ZCCHC8: variants seen among roughly 807,000 people sequenced by gnomAD.
ZCCHC8 encodes the protein zinc finger CCHC-type containing 8, also known as zinc finger CCHC domain-containing protein 8.
Under a neutral mutation model 70.6 loss-of-function variants are expected in ZCCHC8, and 27 were observed. The observed-to-expected ratio is 0.38, with a 90% CI of 0.28 to 0.53. The LOEUF is 0.53. Ranked by LOEUF, ZCCHC8 falls within the 20% of genes least tolerant of loss-of-function variation. The probability of loss-of-function intolerance (pLI) is 0.81; values close to 1 mark genes in which losing one functional copy is unlikely to be tolerated. For synonymous variants in ZCCHC8, 293 were observed against 317.4 expected (o/e 0.92, Z 0.82); for missense variants, 737 against 876.9 (o/e 0.84, Z 2.01).
At chr12:122,498,583 C>T (rs1699321360) in intron 2 of ZCCHC8, among the ~76,000 whole-genome samples, 1 of 152,138 alleles carries the variant, frequency 6.6e-6, no homozygotes, top group Non-Finnish European at 1.5e-5. Flanking sequence ...ATTAAGTAAA[C>T]ATTTTCTGGA....
intron 8 of ZCCHC8, 57 bp downstream of exon 8, chr12:122,482,578 T>C (rs915713457): frequency 1.4e-6 from 2 of 1,386,838 alleles, no homozygotes; most frequent in African/African-American, 1.4e-5. Context: ...CATAAATGTG[T>C]TGAAAACATT....
chr12:122,475,308 G>C (rs1957397902), intron 13 of ZCCHC8, among the ~76,000 whole-genome samples: 1 of 152,146 alleles, frequency 6.6e-6, no homozygotes, highest in Non-Finnish European at 1.5e-5. Context: ...GCCTCCCAAA[G>C]TGCTGAGATT....
At chr12:122,477,586 C>A (rs1353531677) in intron 13 of ZCCHC8, among the ~76,000 whole-genome samples, 2 of 148,078 alleles carry the variant, frequency 1.4e-5, no homozygotes, top group East Asian at 4.1e-4. Flanking sequence ...AGTTCGAGAC[C>A]AGCCTGGTCA....
In ZCCHC8 at chr12:122,473,961, C is replaced by G; in HGVS notation, c.1660G>C (p.Val554Leu). 6.2e-7 allele frequency: 1 copy of G among 1,606,144 alleles called. No individual in the cohort carries two copies. Among genetic ancestry groups the G allele is most frequent in the South Asian group, 1.1e-5 (1 of 89,906 alleles). ...PVDTPLTGNS[V>L]ASSPCPNELD... ...TCATTTGGACAAGGTGATGAGGCAA[C>G]GGAATTGCCAGTTAAAGGTGTGTCC... The change falls in exon 14 of 14, where the codon GTT (valine) becomes CTT (leucine). Residue 554 changes from valine to leucine, a missense_variant. By Grantham distance (32) the Val-to-Leu change is conservative. Coordinates refer to ENST00000633063, the MANE Select transcript of ZCCHC8 (RefSeq NM_017612.5).
chr12:122,474,731 GCTC>G (rs1250566343), intron 13 of ZCCHC8, among the ~76,000 whole-genome samples: 14 of 144,594 alleles, frequency 9.7e-5, no homozygotes, highest in Non-Finnish European at 1.8e-4. Context: ...TTATTTCCTA[GCTC>G]TTTTTTTTTT....
chr12:122,491,073 A>T (rs1957733987), intron 3 of ZCCHC8: 1 of 152,560 alleles, frequency 6.6e-6, no homozygotes, highest in Non-Finnish European at 1.5e-5. Flanking sequence ...ATAAAATCAA[A>T]ATGCAAAGCA....
At chr12:122,488,669 G>A (rs1317652137) in intron 5 of ZCCHC8, among the ~76,000 whole-genome samples, 4 of 151,896 alleles carry the variant, frequency 2.6e-5, no homozygotes, top group East Asian at 2.0e-4. Context: ...TCAGGAGTTC[G>A]AGACCAGCCT....
intron 5 of ZCCHC8, among the ~76,000 whole-genome samples, chr12:122,488,891 T>TATAAGCTGCAAAATC (rs1663612605): frequency 6.6e-6 from 1 of 151,518 alleles, no homozygotes; most frequent in African/African-American, 2.4e-5. Flanking sequence ...AAAAAAAAAT[T>TATAAGCTGCAAAATC]ATAAGCTGCA....
At chr12:122,492,055 A>G (rs1441785624) in intron 3 of ZCCHC8, 1 of 152,220 alleles carries the variant, frequency 6.6e-6, no homozygotes, top group African/African-American at 2.4e-5. Flanking sequence ...TATGGACCTG[A>G]CCTTGGTCAG....
At chr12:122,478,122 G>T in intron 12 of ZCCHC8, 84 bp downstream of exon 12, 4 of 1,332,168 alleles carry the variant, frequency 3.0e-6, no homozygotes, top group African/African-American at 1.5e-5. Context: ...AACAAAGCAA[G>T]AAAAGGCTGT....
chr12:122,486,574 G>A (rs1306762450), intron 5 of ZCCHC8, among the ~76,000 whole-genome samples: 1 of 151,940 alleles, frequency 6.6e-6, no homozygotes, highest in South Asian at 2.1e-4. Context: ...CCAAGGGCCT[G>A]GCTTTTTTTT....
intron 5 of ZCCHC8, among the ~76,000 whole-genome samples, chr12:122,484,495 T>C (rs11058362): frequency 0.61 from 91,950 of 150,534 alleles, 28,958 homozygotes; most frequent in African/African-American, 0.75. Flanking sequence ...TCACTGTAAC[T>C]TCAAAGTCCT....
intron 3 of ZCCHC8, chr12:122,490,789 A>G (rs536033867): frequency 1.8e-5 from 6 of 341,390 alleles, no homozygotes; most frequent in South Asian, 8.4e-5. Context: ...AGTGATTGGC[A>G]TAACAACTGC....
At chr12:122,481,853 C>T (rs565145884) in intron 9 of ZCCHC8, 92 bp downstream of exon 9, 37 of 1,493,704 alleles carry the variant, frequency 2.5e-5, no homozygotes, top group Non-Finnish European at 3.3e-5. Flanking sequence ...CCAGAGTACA[C>T]TTATATCCTG....
chr12:122,486,217 A>G (rs1957634443), intron 5 of ZCCHC8, among the ~76,000 whole-genome samples: 1 of 151,948 alleles, frequency 6.6e-6, no homozygotes, highest in Non-Finnish European at 1.5e-5. Context: ...GTTTGAGACC[A>G]GCCTGACCAA....
At position 122,483,691 on chromosome 12, in the gene ZCCHC8, G is replaced by T; in HGVS notation, c.502-128C>A. On this transcript the variant is annotated intron_variant, in intron 5 of 13. Coordinates refer to ENST00000633063, the MANE Select transcript of ZCCHC8 (RefSeq NM_017612.5). The surrounding 1 kb of genome is among the most constrained non-coding windows in gnomAD (Gnocchi z 4.4). Reference sequence around the variant, plus strand: ...AATTATTAGAAATAATAACTTCCTTGTTATTAAGGAGCCAGACTTTGATGT... The same window carrying T: ...AATTATTAGAAATAATAACTTCCTTTTTATTAAGGAGCCAGACTTTGATGT... 1.3e-6 allele frequency: 1 copy of T among 788,606 alleles called. No individual in the cohort carries two copies. The highest frequency in any genetic ancestry group is 2.0e-6 in the Non-Finnish European group (1 of 502,926). The allele number at this position is 788,606 out of a possible 1,614,324, so 48.9% of individuals were successfully genotyped here.
chr12:122,495,395 G>A (rs1366069785), intron 2 of ZCCHC8, among the ~76,000 whole-genome samples: 1 of 152,146 alleles, frequency 6.6e-6, no homozygotes, highest in Admixed American at 6.5e-5. Context: ...GGAGACCTAG[G>A]TGAAGGAATA....
intron 5 of ZCCHC8, among the ~76,000 whole-genome samples, chr12:122,485,617 C>T (rs1232213459): frequency 6.6e-6 from 1 of 151,980 alleles, no homozygotes; most frequent in Non-Finnish European, 1.5e-5. Flanking sequence ...TTTCTAGCCC[C>T]CTCCAAACCT....
chr12:122,492,779 C>T lies in ZCCHC8; in HGVS notation c.253G>A (p.Val85Met). 1 of 1,539,148 alleles carries T rather than the reference C, an allele frequency of 6.5e-7. No individual in the cohort carries two copies. The highest frequency in any genetic ancestry group is 8.8e-7 in the Non-Finnish European group (1 of 1,133,848). The part of the protein sequence containing the change: ...NILTRPSGIL[V>M]NDTKLDGPIL... ...GGTCCATCTAACTTAGTATCGTTCA[C>T]CAATATTCCACTAAAACAGAAGTTA... Residue 85 changes from valine (V) to methionine (M), a missense_variant, in exon 3 of 14, where the codon GTG becomes ATG. Coordinates refer to ENST00000633063, the MANE Select transcript of ZCCHC8 (RefSeq NM_017612.5).
Sources: allele counts gnomAD v4.1 joint callset (sites outside exome capture counted in the v4.1 genomes callset), GRCh38; gene constraint gnomAD v4.1.1; non-coding constraint Gnocchi (gnomAD v3.1); transcripts MANE v1.5; gene names NCBI Gene and HGNC (gene_info 2026-07-23, HGNC 2026-07-21).